The following DOCK2 variants were observed in gnomAD, a reference collection of about 807,000 sequenced individuals.
DOCK2 encodes dedicator of cytokinesis protein 2.
Under a neutral mutation model 248.9 loss-of-function variants are expected in DOCK2, and 87 were observed. The ratio of observed to expected loss-of-function variants is 0.35; its 90% CI spans 0.29 to 0.42. The LOEUF is 0.42. Among genes scored for constraint, DOCK2 ranks in the 10% least tolerant of loss-of-function variants. DOCK2 has a pLI of 1.00. For missense variants in DOCK2, 1,747 were observed against 2,300.2 expected (o/e 0.76, Z 4.92); for synonymous variants, 805 against 821.6 (o/e 0.98, Z 0.35).
chr5:169,771,317 G>C (rs924820864), intron 25 of DOCK2, among the ~76,000 whole-genome samples: 2 of 152,182 alleles, frequency 1.3e-5, no homozygotes, highest in African/African-American at 4.8e-5. Context: ...GTCTCGCTCT[G>C]TCGCCCAGGC....
chr5:169,891,267 C>CCCTCTGTG lies in DOCK2; in HGVS notation c.2799+50417_2799+50424dup, dbSNP rs1773263068. On this transcript the variant is annotated intron_variant, in intron 27 of 51. Transcript: ENST00000520908. The stretch of plus-strand genomic sequence containing the variant: ...CCTGACCCCCTCTCCCCTTCCGTGT[C>CCCTCTGTG]CCTCTGTGCAGCAAAACCCTGTCCT... 3.3e-5 allele frequency among the ~76,000 whole-genome samples: 5 copies of CCCTCTGTG among 152,284 alleles called. No individual in the cohort carries two copies. In the South Asian group the frequency reaches 1.0e-3, roughly 32 times the overall value.
At chr5:169,986,460 C>T (rs1471206091) in intron 29 of DOCK2, among the ~76,000 whole-genome samples, 1 of 152,166 alleles carries the variant, frequency 6.6e-6, no homozygotes, top group Non-Finnish European at 1.5e-5. Flanking sequence ...TACCCGTTAA[C>T]ATCTCCTACA....
At chr5:169,765,462 A>G (rs1421625979) in intron 25 of DOCK2, among the ~76,000 whole-genome samples, 1 of 152,208 alleles carries the variant, frequency 6.6e-6, no homozygotes, top group African/African-American at 2.4e-5. Context: ...ATGACAGGAG[A>G]AAGGACGCAC....
At chr5:169,899,985 A>G (rs1773828976) in intron 27 of DOCK2, among the ~76,000 whole-genome samples, 1 of 152,152 alleles carries the variant, frequency 6.6e-6, no homozygotes, top group South Asian at 2.1e-4. Context: ...CAAACTGTCC[A>G]TTGTATTCAC....
intron 1 of DOCK2, among the ~76,000 whole-genome samples, chr5:169,640,915 G>C (rs942254853): frequency 5.3e-5 from 8 of 152,212 alleles, no homozygotes; most frequent in African/African-American, 1.9e-4. Context: ...CTTCTCTCTA[G>C]CTATGGTTTT....
At chr5:169,824,140 G>A (rs2113253007) in intron 26 of DOCK2, among the ~76,000 whole-genome samples, 1 of 152,180 alleles carries the variant, frequency 6.6e-6, no homozygotes, top group Middle Eastern at 3.4e-3. Context: ...AGAAATGGAA[G>A]AACATTCCAT....
intron 27 of DOCK2, among the ~76,000 whole-genome samples, chr5:169,861,984 T>C (rs982369788): frequency 1.3e-5 from 2 of 152,014 alleles, no homozygotes; most frequent in Non-Finnish European, 2.9e-5. Flanking sequence ...CATTTTCTAG[T>C]CCCAGTTTTA....
At chr5:170,034,943 T>G (rs1352649079) in intron 35 of DOCK2, among the ~76,000 whole-genome samples, 1 of 152,198 alleles carries the variant, frequency 6.6e-6, no homozygotes, top group African/African-American at 2.4e-5. Context: ...CTTAGTTTGC[T>G]TATCTATTAC....
intron 26 of DOCK2, among the ~76,000 whole-genome samples, chr5:169,835,279 T>TTTTG (rs750585295): frequency 6.6e-6 from 1 of 150,560 alleles, no homozygotes; most frequent in Non-Finnish European, 1.5e-5. Context: ...TTTTTTTTTT[T>TTTTG]GAGACTGCTC....
rs984360801 is a variant in DOCK2, at chr5:169,936,800, C to T, written c.2800-46268C>T. Among the ~76,000 whole-genome samples, 6 of 152,134 alleles carry T rather than the reference C, an allele frequency of 3.9e-5. No individual in the cohort carries two copies. The South Asian group carries it at 8.3e-4, about 21-fold the overall frequency. ...ACTAATTAAGACGTGGCAATGCCCA[C>T]TTAGTAAATTAGCTAAATTGACAAA... On this transcript the variant is annotated intron_variant, in intron 27 of 51. Coordinates refer to ENST00000520908, the MANE Select transcript of DOCK2 (RefSeq NM_004946.3).
chr5:169,971,389 AT>A (rs1296252222), intron 27 of DOCK2, among the ~76,000 whole-genome samples: 1 of 149,794 alleles, frequency 6.7e-6, no homozygotes, highest in African/African-American at 2.5e-5. Flanking sequence ...AGCCCTAGGA[AT>A]GGACTTCCAC....
rs1394507020 is a variant in DOCK2, at chr5:169,674,314, T to C, written c.339T>C (p.Arg113=). The change falls in exon 6 of 52, where the codon CGT becomes CGC. Residue 113 remains arginine (R), a synonymous_variant. Transcript: ENST00000520908. ...TCTCCTAGGCCAGCAAAAAGGAGCG[T>C]TTTCTCCAGGTGCAGTCCATGATGT... ...KQLYVASKKE[R]FLQVQSMMYD... is the part of the protein sequence containing the mutation. The C allele has an allele frequency of 6.2e-7, 1 of 1,613,918 alleles. No individual in the cohort carries two copies. The highest frequency in any genetic ancestry group is 8.5e-7 in the Non-Finnish European group (1 of 1,179,940).
In DOCK2 at chr5:169,898,604, T is replaced by A. The variant is rs116418676; in HGVS notation, c.2799+57752T>A. 8.1e-3 allele frequency among the ~76,000 whole-genome samples: 1,237 copies of A among 152,224 alleles called. 17 individuals carry two copies. The highest frequency in any genetic ancestry group is 0.028 in the African/African-American group (1,175 of 41,538). ...ATGAGTTCAATGAAAGAATGACAGT[T>A]AAGCTCTTAACATAGTGTCTATCTT... On this transcript the variant is annotated intron_variant, in intron 27 of 51. Transcript: ENST00000520908.
In DOCK2 at chr5:169,807,833, C is replaced by CAAAAAAAAAAAAAAAAAAAAA. The variant is rs61670398; in HGVS notation, c.2703+4633_2703+4653dup. Among the ~76,000 whole-genome samples, 27 of 24,226 alleles carry CAAAAAAAAAAAAAAAAAAAAA rather than the reference C, an allele frequency of 1.1e-3. 4 individuals are homozygous for CAAAAAAAAAAAAAAAAAAAAA. The highest frequency in any genetic ancestry group is 2.6e-3 in the Non-Finnish European group (22 of 8,604). 15.9% of individuals were successfully genotyped at this position (24,226 alleles called of 152,430 possible). A position where few individuals can be genotyped will look rare whatever the true frequency, so the allele number is the denominator to read the frequency against. ...TGGGAGACAGAGCAAGACTCTGTCT[C>CAAAAAAAAAAAAAAAAAAAAA]AAAAAAAAAAAAAAAAAAAAAAAAA... On this transcript the variant is annotated intron_variant, in intron 26 of 51. Transcript: ENST00000520908.
intron 27 of DOCK2, among the ~76,000 whole-genome samples, chr5:169,891,758 G>A (rs1327845455): frequency 6.7e-6 from 1 of 149,144 alleles, no homozygotes; most frequent in Non-Finnish European, 1.5e-5. Flanking sequence ...GTCAAGGCAG[G>A]TGGATCACAA....
In DOCK2 at chr5:169,959,126, CTCAT is replaced by C. The variant is rs1776978474; in HGVS notation, c.2800-23941_2800-23938del. ...AGCACAAACTGGCTGGGCATGGTGG[CTCAT>C]GCCTGTAATCCCAGCACTTTGGGAG... is the stretch of plus-strand genomic sequence containing the variant. On this transcript the variant is annotated intron_variant, in intron 27 of 51. Coordinates refer to ENST00000520908, the MANE Select transcript of DOCK2 (RefSeq NM_004946.3). 2.0e-5 allele frequency among the ~76,000 whole-genome samples: 3 copies of C among 151,592 alleles called. No individual in the cohort carries two copies. The South Asian group carries it at 6.9e-4, about 35-fold the overall frequency.
intron 27 of DOCK2, among the ~76,000 whole-genome samples, chr5:169,848,019 C>A (rs1770415654): frequency 6.6e-6 from 1 of 152,160 alleles, no homozygotes; most frequent in Non-Finnish European, 1.5e-5. Flanking sequence ...GGAGAGCCTG[C>A]CTTTCCTGGG....
chr5:169,832,283 T>C (rs150489703), intron 26 of DOCK2, among the ~76,000 whole-genome samples: 1 of 152,370 alleles, frequency 6.6e-6, no homozygotes, highest in East Asian at 1.9e-4. Context: ...TTTTCCTTTT[T>C]ATTGCATCCT....
intron 22 of DOCK2, among the ~76,000 whole-genome samples, chr5:169,731,207 G>T (rs1234756991): frequency 2.6e-5 from 4 of 152,240 alleles, no homozygotes. Flanking sequence ...TCGGTCTAAA[G>T]ACCCTGATAT....
Sources: allele counts gnomAD v4.1 joint callset (sites outside exome capture counted in the v4.1 genomes callset), GRCh38; gene constraint gnomAD v4.1.1; transcripts MANE v1.5; gene names NCBI Gene and HGNC (gene_info 2026-07-23, HGNC 2026-07-21).